NRG3: variants seen among roughly 807,000 people sequenced by gnomAD.
NRG3 encodes the protein neuregulin 3, also known as pro-neuregulin-3, membrane-bound isoform.
NRG3 carries 31 observed loss-of-function variants against 66.9 expected under a neutral mutation model. The ratio of observed to expected loss-of-function variants is 0.46; its 90% CI spans 0.35 to 0.63. The LOEUF (loss-of-function observed/expected upper bound fraction) is 0.63. NRG3 is among the 20% of genes least tolerant of loss of function. NRG3 has a pLI of 0.00. For synonymous variants in NRG3, 393 were observed against 359.4 expected, an observed-to-expected ratio of 1.09 and a Z score of -1.06; for missense variants, 910 against 878.9, an observed-to-expected ratio of 1.04 and a Z score of -0.45.
At chr10:82,270,012 A>C (rs972288730) in intron 1 of NRG3, among the ~76,000 whole-genome samples, 1 of 152,128 alleles carries the variant, frequency 6.6e-6, no homozygotes, top group African/African-American at 2.4e-5. Flanking sequence ...TATCTACCTC[A>C]TAGATTTTCT....
intron 2 of NRG3, among the ~76,000 whole-genome samples, chr10:82,426,640 A>G (rs999084586): frequency 3.1e-5 from 4 of 128,202 alleles, no homozygotes; most frequent in Non-Finnish European, 6.5e-5. Context: ...TATTATTATT[A>G]TTATTATTTT....
At position 82,047,735 on chromosome 10, in the gene NRG3, A is replaced by G. The variant is rs537003672; in HGVS notation, c.823+171572A>G. Among the ~76,000 whole-genome samples, 17 of 151,926 alleles carry G rather than the reference A, an allele frequency of 1.1e-4. 2 individuals carry two copies. In the South Asian group the frequency reaches 2.3e-3, roughly 21 times the overall value. ...AGCTAACATCATAATGACAGGTTCA[A>G]ATTCACACATAACAATATTAACTTT... On this transcript the variant is annotated intron_variant, in intron 1 of 8. Coordinates refer to ENST00000372141, the MANE Select transcript of NRG3 (RefSeq NM_001010848.4).
In NRG3 at chr10:82,971,523, A is replaced by G. The variant is rs549011629; in HGVS notation, c.1285-2265A>G. Among the ~76,000 whole-genome samples the G allele has an allele frequency of 9.9e-5, 15 of 150,770 alleles. No homozygotes were observed. In the South Asian group the frequency reaches 3.1e-3, roughly 32 times the overall value. On this transcript the variant is annotated intron_variant, in intron 6 of 8. Transcript: ENST00000372141. The stretch of plus-strand genomic sequence containing the variant: ...ACCATCTCGGCTCACTGCAACCTCA[A>G]TCTCCCGGGTTCAAGCTATTCTCCT...
intron 1 of NRG3, among the ~76,000 whole-genome samples, chr10:82,224,900 C>T (rs2133816551): frequency 6.6e-6 from 1 of 152,052 alleles, no homozygotes; most frequent in South Asian, 2.1e-4. Context: ...AAATATGAGA[C>T]TTTCTAAAAC....
At chr10:82,744,391 C>G (rs1183040512) in intron 3 of NRG3, among the ~76,000 whole-genome samples, 4 of 152,118 alleles carry the variant, frequency 2.6e-5, no homozygotes, top group Admixed American at 2.6e-4. Flanking sequence ...GGGCAATTTT[C>G]TGATAGAGGG....
chr10:82,767,753 A>T (rs1305994162), intron 3 of NRG3, among the ~76,000 whole-genome samples: 1 of 151,948 alleles, frequency 6.6e-6, no homozygotes, highest in Non-Finnish European at 1.5e-5. Flanking sequence ...AAGATATCAG[A>T]TGTCTCCTTT....
intron 2 of NRG3, among the ~76,000 whole-genome samples, chr10:82,631,465 C>G (rs1363434369): frequency 6.6e-6 from 1 of 152,072 alleles, no homozygotes; most frequent in Non-Finnish European, 1.5e-5. Flanking sequence ...GAGATACATA[C>G]AGTCTGAAAG....
chr10:82,985,125 A>G lies in NRG3; in HGVS notation c.1611A>G (p.Gln537=), dbSNP rs1179166746. 2 of 1,613,766 alleles carry G rather than the reference A, an allele frequency of 1.2e-6. No homozygotes were observed. Among genetic ancestry groups the G allele is most frequent in the African/African-American group, 2.7e-5 (2 of 74,878 alleles). ...QGYSSSGLKT[Q]RNTSINMQLP... is the part of the protein sequence containing the mutation. ...ATTCATCCAGTGGTTTAAAAACCCAACGAAATACATCAATAAATATGCAAC... is the reference window on the plus strand; with the variant it reads ...ATTCATCCAGTGGTTTAAAAACCCAGCGAAATACATCAATAAATATGCAAC... Residue 537 remains glutamine (Q), a synonymous_variant, in exon 9 of 9, where the codon CAA becomes CAG. Transcript: ENST00000372141.
chr10:82,650,847 G>GC (rs1016035813), intron 2 of NRG3, among the ~76,000 whole-genome samples: 3 of 152,056 alleles, frequency 2.0e-5, no homozygotes, highest in Admixed American at 6.6e-5. Flanking sequence ...AGATGCCAGG[G>GC]CCCCACCTAC....
At chr10:82,050,945 T>C (rs922094764) in intron 1 of NRG3, among the ~76,000 whole-genome samples, 2 of 152,096 alleles carry the variant, frequency 1.3e-5, no homozygotes, top group African/African-American at 2.4e-5. Flanking sequence ...GACACATTCT[T>C]TAACTTTAGA....
chr10:82,676,353 G>T (rs1457169986), intron 2 of NRG3, among the ~76,000 whole-genome samples: 1 of 152,136 alleles, frequency 6.6e-6, no homozygotes, highest in Non-Finnish European at 1.5e-5. Flanking sequence ...CCTGCTAAGG[G>T]TGTTTGCATT....
In NRG3 at chr10:82,190,877, C is replaced by T. The variant is rs117143242; in HGVS notation, c.824-167862C>T. Among the ~76,000 whole-genome samples the T allele has an allele frequency of 5.0e-4, 76 of 152,276 alleles. No homozygotes were observed. In the East Asian group the frequency reaches 0.014, roughly 28 times the overall value. ...TTTTCTTCTCATTTTTCCCCTCATG[C>T]ACACATGTTGGCCCAGGCATTACCC... is the stretch of plus-strand genomic sequence containing the variant. On this transcript the variant is annotated intron_variant, in intron 1 of 8. Coordinates refer to ENST00000372141, the MANE Select transcript of NRG3 (RefSeq NM_001010848.4).
At position 82,370,627 on chromosome 10, in the gene NRG3, G is replaced by A. The variant is rs560338514; in HGVS notation, c.953+11759G>A. ...CCCAGTATTTTCCCATTTCCTGTCC[G>A]TATCAATAAGGTAGAAGAGAGCGCC... On this transcript the variant is annotated intron_variant, in intron 2 of 8. Coordinates refer to ENST00000372141, the MANE Select transcript of NRG3 (RefSeq NM_001010848.4). Among the ~76,000 whole-genome samples the A allele has an allele frequency of 1.9e-4, 29 of 152,156 alleles. 2 individuals are homozygous for A. Among genetic ancestry groups the A allele is most frequent in the South Asian group, 1.7e-3 (8 of 4,826 alleles).
chr10:82,091,294 C>T (rs1219443626), intron 1 of NRG3, among the ~76,000 whole-genome samples: 1 of 152,106 alleles, frequency 6.6e-6, no homozygotes, highest in African/African-American at 2.4e-5. Context: ...AACTTTGTAA[C>T]CATGAAAGAA....
At chr10:82,972,498 G>T (rs769196003) in intron 6 of NRG3, among the ~76,000 whole-genome samples, 1 of 151,836 alleles carries the variant, frequency 6.6e-6, no homozygotes, top group Admixed American at 6.6e-5. Context: ...ATTTTTCTTC[G>T]GTTAGAACTA....
intron 2 of NRG3, among the ~76,000 whole-genome samples, chr10:82,641,452 A>T (rs529089590): frequency 6.6e-6 from 1 of 152,200 alleles, no homozygotes; most frequent in Non-Finnish European, 1.5e-5. Context: ...TTCACTAAAA[A>T]CAAGTAAAGA....
At chr10:82,181,029 A>C (rs953966258) in intron 1 of NRG3, among the ~76,000 whole-genome samples, 1 of 151,688 alleles carries the variant, frequency 6.6e-6, no homozygotes, top group Admixed American at 6.6e-5. Flanking sequence ...TGTTTCTTTT[A>C]GTTTATCCCA....
chr10:81,974,925 C>T (rs567730276), intron 1 of NRG3, among the ~76,000 whole-genome samples: 4 of 152,114 alleles, frequency 2.6e-5, no homozygotes, highest in South Asian at 2.1e-4. Context: ...AGCTACATAA[C>T]GTCTTAAAAT....
intron 1 of NRG3, among the ~76,000 whole-genome samples, chr10:81,932,896 G>C (rs902020952): frequency 2.0e-5 from 3 of 151,896 alleles, no homozygotes; most frequent in Non-Finnish European, 4.4e-5. Flanking sequence ...ATCACAAGGT[G>C]AGGAGTTCAA....
Sources: allele counts gnomAD v4.1 joint callset (sites outside exome capture counted in the v4.1 genomes callset), GRCh38; gene constraint gnomAD v4.1.1; transcripts MANE v1.5; gene names NCBI Gene and HGNC (gene_info 2026-07-23, HGNC 2026-07-21).